TMEM164: variants seen among roughly 807,000 people sequenced by gnomAD.
TMEM164 encodes the protein RP13-360B22.2.
A neutral mutation model predicts 18.8 loss-of-function variants in TMEM164; 4 were observed. That is an observed-to-expected ratio of 0.21 (90% CI 0.10 to 0.49). The LOEUF is 0.49. TMEM164 is among the 20% of genes least tolerant of loss of function. The pLI is 0.98. For synonymous variants in TMEM164, 86 were observed against 101.7 expected (o/e 0.85, Z 0.93); for missense variants, 108 against 239.9 (o/e 0.45, Z 3.63).
intron 2 of TMEM164, among the ~76,000 whole-genome samples, chrX:110,019,157 T>C (rs1933654168): frequency 9.0e-6 from 1 of 111,264 alleles, no homozygotes; most frequent in African/African-American, 3.3e-5. Flanking sequence ...GGTTGGGGGA[T>C]TTGGAATGAA....
intron 4 of TMEM164, among the ~76,000 whole-genome samples, chrX:110,112,623 A>T (rs1015251897): frequency 8.9e-6 from 1 of 112,293 alleles, no homozygotes; most frequent in East Asian, 2.8e-4. Flanking sequence ...GATTTATTTA[A>T]TCGTTGCAAT....
At chrX:110,087,667 C>T (rs1200574594) in intron 3 of TMEM164, among the ~76,000 whole-genome samples, 1 of 110,756 alleles carries the variant, frequency 9.0e-6, no homozygotes, top group East Asian at 2.8e-4. Context: ...TCCCTCACCC[C>T]GCCTTGGGTA....
intron 4 of TMEM164, among the ~76,000 whole-genome samples, chrX:110,116,261 C>T (rs2066362365): frequency 8.9e-6 from 1 of 112,316 alleles, no homozygotes; most frequent in South Asian, 3.7e-4. Flanking sequence ...ACCCATTTTA[C>T]ATATGAGGAA....
intron 3 of TMEM164, among the ~76,000 whole-genome samples, chrX:110,087,439 T>G (rs1421747096): frequency 8.9e-6 from 1 of 111,777 alleles, no homozygotes; most frequent in Non-Finnish European, 1.9e-5. Context: ...TGGCTCACTG[T>G]AGCCTCGACC....
chrX:110,150,956 A>G (rs1445061555), intron 5 of TMEM164, among the ~76,000 whole-genome samples: 1 of 112,209 alleles, frequency 8.9e-6, no homozygotes, highest in African/African-American at 3.2e-5. Context: ...TAATCCTATA[A>G]CAACTCTGTT....
chrX:110,098,950 ATTTTTTTTTTTTTTT>A lies in TMEM164; in HGVS notation c.441-10123_441-10109del, dbSNP rs772519388. The stretch of plus-strand genomic sequence containing the variant: ...AGGCACCCGCCACCACACCCGGCTA[ATTTTTTTTTTTTTTT>A]TTTTTTGTATTTTTAGTAGAGACGG... On this transcript the variant is annotated intron_variant, in intron 3 of 6. Transcript: ENST00000372068. Among the ~76,000 whole-genome samples the A allele has an allele frequency of 3.7e-3, 316 of 85,063 alleles. 1 individual carries two copies. The highest frequency in any genetic ancestry group is 0.013 in the African/African-American group (293 of 22,616). 73.9% of individuals were successfully genotyped at this position (85,063 alleles called of 115,157 possible). A position where few individuals can be genotyped will look rare whatever the true frequency, so the allele number is the denominator to read the frequency against.
At chrX:110,180,486 C>CCG (rs1432548370), downstream of TMEM164, among the ~76,000 whole-genome samples, 120 of 97,757 alleles carry the variant, frequency 1.2e-3, 2 homozygotes, top group African/African-American at 5.5e-3. Context: ...ACTGCCTGAA[C>CCG]CCCCCCGCCC....
At chrX:110,028,605 G>A (rs1233409398) in intron 2 of TMEM164, among the ~76,000 whole-genome samples, 1 of 112,032 alleles carries the variant, frequency 8.9e-6, no homozygotes, top group East Asian at 2.8e-4. Context: ...TAACTCATGG[G>A]TTGTTTAGAA....
At chrX:110,049,927 G>GTT (rs1935479183) in intron 2 of TMEM164, among the ~76,000 whole-genome samples, 1 of 111,249 alleles carries the variant, frequency 9.0e-6, no homozygotes, top group African/African-American at 3.3e-5. Context: ...TAAAACCATC[G>GTT]TAAGCCCAAA....
Position 110,175,939 on chromosome X carries a change from G to T in TMEM164, c.*2488G>T, listed in dbSNP as rs1380543965. ...AGGGTAGCCCTCATATCTGCCCTGT[G>T]CCGGCCCTCTACTGCCCCAGCTTTG... On this transcript the variant is annotated 3_prime_UTR_variant, in exon 7 of 7. Transcript: ENST00000372068. 2.9e-5 allele frequency: 22 copies of T among 754,511 alleles called. No individual in the cohort carries two copies. The highest frequency in any genetic ancestry group is 3.4e-5 in the Non-Finnish European group (22 of 639,361). 62.2% of individuals were successfully genotyped at this position (754,511 alleles called of 1,213,427 possible). A position where few individuals can be genotyped will look rare whatever the true frequency, so the allele number is the denominator to read the frequency against.
intron 4 of TMEM164, among the ~76,000 whole-genome samples, chrX:110,115,243 A>G (rs898707364): frequency 8.9e-6 from 1 of 112,314 alleles, no homozygotes; most frequent in Non-Finnish European, 1.9e-5. Context: ...TAGAAAAGTT[A>G]TTTCTGTGAC....
intron 3 of TMEM164, among the ~76,000 whole-genome samples, chrX:110,102,043 C>T (rs1357667251): frequency 9.3e-6 from 1 of 107,041 alleles, no homozygotes; most frequent in East Asian, 3.0e-4. Context: ...TAAGAATTTC[C>T]AGCTGGGTGC....
At position 110,160,533 on chromosome X, in the gene TMEM164, G is replaced by C. The variant is rs372282813; in HGVS notation, c.587-10887G>C. Among the ~76,000 whole-genome samples the C allele has an allele frequency of 2.0e-3, 221 of 111,849 alleles. 1 individual carries two copies. Among genetic ancestry groups the C allele is most frequent in the African/African-American group, 6.9e-3 (212 of 30,783 alleles). ...GTTTTAATATAATTGAATTCCTTTG[G>C]CTTTTATTTTATGCATTTCAAACAC... On this transcript the variant is annotated intron_variant, in intron 5 of 6. Coordinates refer to ENST00000372068, the MANE Select transcript of TMEM164 (RefSeq NM_032227.4).
chrX:110,082,263 T>G (rs2065770392), intron 3 of TMEM164: 1 of 113,856 alleles, frequency 8.8e-6, no homozygotes. Flanking sequence ...GGCAGTCTTC[T>G]GCCTCTGAAG....
intron 2 of TMEM164, among the ~76,000 whole-genome samples, chrX:110,035,238 A>T (rs1411500273): frequency 9.0e-6 from 1 of 110,795 alleles, no homozygotes; most frequent in African/African-American, 3.3e-5. Context: ...AAATAAAATT[A>T]AAAAAAGAAA....
chrX:110,137,518 G>A (rs893982055), intron 4 of TMEM164, among the ~76,000 whole-genome samples: 1 of 111,785 alleles, frequency 8.9e-6, no homozygotes, highest in East Asian at 2.8e-4. Context: ...CATTGCTATC[G>A]CCAGCCCCTA....
At chrX:110,095,603 G>C (rs1289332689) in intron 3 of TMEM164, among the ~76,000 whole-genome samples, 1 of 111,650 alleles carries the variant, frequency 9.0e-6, no homozygotes, top group African/African-American at 3.3e-5. Flanking sequence ...AAGGTTTTTA[G>C]CTTCTTTGCG....
At chrX:110,065,198 C>A (rs1157303561) in intron 2 of TMEM164, 1 of 110,869 alleles carries the variant, frequency 9.0e-6, no homozygotes, top group Non-Finnish European at 1.9e-5. Flanking sequence ...TGGATCAGAA[C>A]CAGCCAAATG....
intron 2 of TMEM164, among the ~76,000 whole-genome samples, chrX:110,009,419 G>GA (rs1932900060): frequency 8.9e-6 from 1 of 112,080 alleles, no homozygotes; most frequent in African/African-American, 3.2e-5. Context: ...ATGCATGTAG[G>GA]TAATCTGGTG....
Sources: gnomAD v4.1 joint callset for allele counts (sites outside exome capture counted in the v4.1 genomes callset) on GRCh38, gnomAD v4.1.1 for gene constraint, MANE v1.5 for transcripts, NCBI Gene and HGNC (gene_info 2026-07-23, HGNC 2026-07-21) for gene names.